Variants in CPSF3 observed in about 807,000 individuals in gnomAD.
The protein encoded by CPSF3 is cleavage and polyadenylation specificity factor subunit 3.
Under a neutral mutation model 84.1 loss-of-function variants are expected in CPSF3, and 57 were observed. The observed-to-expected ratio is 0.68, with a 90% confidence interval of 0.55 to 0.85. CPSF3 has a LOEUF of 0.85. Ranked by LOEUF, CPSF3 falls within the 40% of genes least tolerant of loss-of-function variation. The pLI is 0.00. For synonymous variants in CPSF3, 275 were observed against 278.1 expected (o/e 0.99, Z 0.11); for missense variants, 522 against 838.8 (o/e 0.62, Z 4.66).
chr2:9,430,787 T>G lies in CPSF3; in HGVS notation c.248T>G (p.Phe83Cys). The G allele has an allele frequency of 6.2e-7, 1 of 1,613,930 alleles. No individual in the cohort carries two copies. Among genetic ancestry groups the G allele is most frequent in the Non-Finnish European group, 8.5e-7 (1 of 1,179,840 alleles). ...HLDHCGALPW[F>C]LQKTSFKGRT... ...GATCACTGTGGAGCTCTGCCCTGGT[T>G]TCTACAGAAGACAAGTTTCAAAGGA... Residue 83 changes from phenylalanine (F) to cysteine (C), a missense_variant, in exon 4 of 18, where the codon TTT (phenylalanine) becomes TGT (cysteine). By Grantham distance (205) the Phe-to-Cys change is radical. Around this residue, in one of 2 missense-constraint regions of CPSF3, gnomAD observed 329 missense variants for 607.2 expected, o/e 0.54. Transcript: ENST00000238112.
chr2:9,440,927 T>C (rs550818814), intron 8 of CPSF3, among the ~76,000 whole-genome samples: 1 of 152,372 alleles, frequency 6.6e-6, no homozygotes, highest in Admixed American at 6.5e-5. Context: ...GTCTTACCGC[T>C]TCTCAACAGG....
chr2:9,423,679 G>C lies in CPSF3; in HGVS notation c.-95G>C, dbSNP rs113233481. The C allele has an allele frequency of 1.7e-4, 247 of 1,495,214 alleles. 1 individual carries two copies. In the African/African-American group the frequency reaches 2.7e-3, roughly 16 times the overall value. 92.6% of individuals were successfully genotyped at this position (1,495,214 alleles called of 1,614,324 possible). A position where few individuals can be genotyped will look rare whatever the true frequency, so the allele number is the denominator to read the frequency against. On this transcript the variant is annotated 5_prime_UTR_variant, in exon 1 of 18. Transcript: ENST00000238112. Reference sequence around the variant, plus strand: ...GGAAGTTGTGCTCTTGGTGAATGGGGTTCTTCCTTTTTTATTTACCGGTGG... The same window carrying C: ...GGAAGTTGTGCTCTTGGTGAATGGGCTTCTTCCTTTTTTATTTACCGGTGG...
At chr2:9,442,262 C>T (rs531525426) in intron 9 of CPSF3, among the ~76,000 whole-genome samples, 2 of 152,042 alleles carry the variant, frequency 1.3e-5, no homozygotes, top group African/African-American at 2.4e-5. Flanking sequence ...GAGACAAACA[C>T]GTGAATACTC....
intron 17 of CPSF3, among the ~76,000 whole-genome samples, chr2:9,471,930 A>G (rs895833899): frequency 1.3e-4 from 19 of 148,082 alleles, no homozygotes; most frequent in Admixed American, 1.1e-3. Context: ...TGCTTGAAAC[A>G]GGGAGGCAGA....
At chr2:9,453,086 T>G in intron 12 of CPSF3, 65 bp downstream of exon 12, 1 of 988,892 alleles carries the variant, frequency 1.0e-6, no homozygotes, top group Non-Finnish European at 1.5e-6. Context: ...CTATGAAAAC[T>G]TCTCTTCACC....
chr2:9,440,039 C>T (rs554867674), intron 7 of CPSF3, among the ~76,000 whole-genome samples: 3 of 152,098 alleles, frequency 2.0e-5, no homozygotes, highest in South Asian at 2.1e-4. Flanking sequence ...TGTTCAAAAT[C>T]GGTTAACTCT....
intron 6 of CPSF3, among the ~76,000 whole-genome samples, chr2:9,434,411 A>G (rs1680707875): frequency 6.6e-6 from 1 of 151,850 alleles, no homozygotes; most frequent in Non-Finnish European, 1.5e-5. Flanking sequence ...TTTGTAGTGC[A>G]GTTTCACTTT....
At chr2:9,454,176 G>A (rs776351877) in intron 12 of CPSF3, among the ~76,000 whole-genome samples, 1 of 152,128 alleles carries the variant, frequency 6.6e-6, no homozygotes, top group Non-Finnish European at 1.5e-5. Flanking sequence ...TTGGGAGGTC[G>A]AGGTGGGCAG....
intron 7 of CPSF3, among the ~76,000 whole-genome samples, chr2:9,439,162 T>TG (rs1436561897): frequency 3.9e-5 from 6 of 152,214 alleles, no homozygotes; most frequent in Non-Finnish European, 4.4e-5. Context: ...AAATTATCAT[T>TG]GATACATCAA....
At chr2:9,448,423 A>G in intron 11 of CPSF3, 73 bp downstream of exon 11, 2 of 1,207,396 alleles carry the variant, frequency 1.7e-6, no homozygotes, top group African/African-American at 3.1e-5. Flanking sequence ...TTAAGAAAAT[A>G]GATCTTTAGT....
chr2:9,455,294 C>T (rs1681485756), intron 12 of CPSF3, among the ~76,000 whole-genome samples: 2 of 152,134 alleles, frequency 1.3e-5, no homozygotes, highest in African/African-American at 4.8e-5. Flanking sequence ...CGCTACCACG[C>T]CTAGCTAATT....
At chr2:9,472,734 G>A (rs1256352674) in intron 17 of CPSF3, among the ~76,000 whole-genome samples, 182 bp from the exon 18 acceptor site, 7 of 152,094 alleles carry the variant, frequency 4.6e-5, no homozygotes, top group Admixed American at 3.3e-4. Context: ...GCTCACTGCA[G>A]CCTCAACCTT....
At chr2:9,444,026 C>G (rs563183406) in intron 10 of CPSF3, among the ~76,000 whole-genome samples, 63 of 151,844 alleles carry the variant, frequency 4.1e-4, no homozygotes, top group African/African-American at 1.4e-3. Context: ...CTCTCTGTAC[C>G]TCATTTGTAA....
chr2:9,449,257 G>A (rs371012247), intron 11 of CPSF3, among the ~76,000 whole-genome samples: 2 of 152,164 alleles, frequency 1.3e-5, no homozygotes, highest in East Asian at 1.9e-4. Context: ...GGGTGTGGTC[G>A]CAGGTGCCTG....
intron 16 of CPSF3, 122 bp downstream of exon 16, chr2:9,467,898 G>T (rs1682031127): frequency 1.4e-6 from 1 of 714,502 alleles, no homozygotes; most frequent in Non-Finnish European, 2.4e-6. Context: ...GCCATGCTCG[G>T]AGGCCTGCTT....
intron 15 of CPSF3, among the ~76,000 whole-genome samples, chr2:9,460,883 A>G (rs1295075225): frequency 3.3e-5 from 5 of 152,082 alleles, no homozygotes; most frequent in African/African-American, 9.7e-5. Flanking sequence ...GGAAGTGACC[A>G]TACGGGAAGT....
At chr2:9,460,663 TTTTC>T (rs1222177622) in intron 15 of CPSF3, among the ~76,000 whole-genome samples, 144 of 151,798 alleles carry the variant, frequency 9.5e-4, no homozygotes, top group Non-Finnish European at 1.6e-3. Context: ...TATGTCTTTT[TTTTC>T]TTTCTTTCTT....
intron 8 of CPSF3, among the ~76,000 whole-genome samples, chr2:9,441,169 ATG>A (rs2124822891): frequency 6.6e-6 from 1 of 152,346 alleles, no homozygotes; most frequent in African/African-American, 2.4e-5. Context: ...AATTCTATAT[ATG>A]AAAATTTTTA....
At chr2:9,437,471 A>G (rs922572133) in intron 7 of CPSF3, among the ~76,000 whole-genome samples, 1 of 152,208 alleles carries the variant, frequency 6.6e-6, no homozygotes, top group African/African-American at 2.4e-5. Flanking sequence ...TAAAAAATGC[A>G]CACACAAATG....
Sources: allele counts gnomAD v4.1 joint callset (sites outside exome capture counted in the v4.1 genomes callset), GRCh38; gene constraint gnomAD v4.1.1; regional missense constraint gnomAD v4.1.1; transcripts MANE v1.5; gene names NCBI Gene and HGNC (gene_info 2026-07-23, HGNC 2026-07-21).